The following C1orf21 variants were observed in gnomAD, a reference collection of about 807,000 sequenced individuals.
C1orf21 encodes chromosome 1 open reading frame 21.
C1orf21 carries 3 observed loss-of-function variants against 18.7 expected under a neutral mutation model. That is an observed-to-expected ratio of 0.16 (90% CI 0.07 to 0.42). C1orf21 has a LOEUF of 0.42. Among genes scored for constraint, C1orf21 ranks in the 10% least tolerant of loss-of-function variants. C1orf21 has a pLI of 0.99. For missense variants in C1orf21, 104 were observed against 143.6 expected, an observed-to-expected ratio of 0.72 and a Z score of 1.41; for synonymous variants, 41 against 46.4, an observed-to-expected ratio of 0.88 and a Z score of 0.47.
At chr1:184,426,570 T>C (rs1377804092) in intron 1 of C1orf21, among the ~76,000 whole-genome samples, 2 of 152,174 alleles carry the variant, frequency 1.3e-5, no homozygotes, top group Admixed American at 6.5e-5. Context: ...CTTAGGCTCT[T>C]TCTTCTTGAA....
intron 3 of C1orf21, among the ~76,000 whole-genome samples, chr1:184,573,093 GA>G (rs59372826): frequency 2.0e-5 from 3 of 151,768 alleles, no homozygotes; most frequent in East Asian, 1.9e-4. Context: ...TCTAATGGAG[GA>G]AAAAAAACTA....
chr1:184,593,000 T>C (rs1415131079), intron 4 of C1orf21, among the ~76,000 whole-genome samples: 1 of 152,228 alleles, frequency 6.6e-6, no homozygotes, highest in Non-Finnish European at 1.5e-5. Flanking sequence ...TTACTGCTCA[T>C]CACGTTCATC....
intron 1 of C1orf21, among the ~76,000 whole-genome samples, chr1:184,463,105 A>G (rs1179418694): frequency 6.7e-6 from 1 of 150,256 alleles, no homozygotes; most frequent in African/African-American, 2.5e-5. Flanking sequence ...AAAAAAAAGA[A>G]GAAGAAGAAG....
At chr1:184,424,789 G>A (rs1388167221) in intron 1 of C1orf21, among the ~76,000 whole-genome samples, 1 of 152,120 alleles carries the variant, frequency 6.6e-6, no homozygotes, top group African/African-American at 2.4e-5. Context: ...ATCAAATGCA[G>A]GGCTGTCAAC....
At chr1:184,526,823 C>A (rs1348706027) in intron 3 of C1orf21, among the ~76,000 whole-genome samples, 1 of 152,084 alleles carries the variant, frequency 6.6e-6, no homozygotes, top group African/African-American at 2.4e-5. Flanking sequence ...TTCATTCACT[C>A]CCTCAACAAG....
chr1:184,567,703 C>A, intron 3 of C1orf21: 1 of 365,082 alleles, frequency 2.7e-6, no homozygotes, highest in African/African-American at 2.1e-5. Context: ...TCCAGGGCTG[C>A]TAAAGTCAAA....
intron 1 of C1orf21, among the ~76,000 whole-genome samples, chr1:184,423,309 T>C (rs1388534271): frequency 6.6e-6 from 1 of 152,220 alleles, no homozygotes; most frequent in Admixed American, 6.5e-5. Context: ...TATGCAATAA[T>C]GTACAAAACA....
chr1:184,488,536 G>T (rs1423361717), intron 2 of C1orf21, among the ~76,000 whole-genome samples: 1 of 152,052 alleles, frequency 6.6e-6, no homozygotes, highest in Non-Finnish European at 1.5e-5. Flanking sequence ...CCAATTAATT[G>T]GGTACCATTT....
intron 2 of C1orf21, among the ~76,000 whole-genome samples, chr1:184,503,106 G>C (rs1351238169): frequency 7.2e-6 from 1 of 139,722 alleles, no homozygotes; most frequent in Non-Finnish European, 1.5e-5. Context: ...AAAAAAAGAT[G>C]TATCAAGCAA....
chr1:184,498,055 A>G (rs1237322449), intron 2 of C1orf21, among the ~76,000 whole-genome samples: 3 of 152,008 alleles, frequency 2.0e-5, no homozygotes, highest in Non-Finnish European at 2.9e-5. Flanking sequence ...TATCTATTCT[A>G]TGCCGCTCAT....
chr1:184,469,462 G>A (rs1396030512), intron 1 of C1orf21, among the ~76,000 whole-genome samples: 1 of 152,130 alleles, frequency 6.6e-6, no homozygotes, highest in Non-Finnish European at 1.5e-5. Flanking sequence ...TAGAAGTTGA[G>A]GCTTTGCAAT....
chr1:184,539,154 G>A (rs1173166270), intron 3 of C1orf21, among the ~76,000 whole-genome samples: 1 of 152,076 alleles, frequency 6.6e-6, no homozygotes, highest in Non-Finnish European at 1.5e-5. Context: ...GGCTTTTATT[G>A]TGTTGAGGTG....
intron 3 of C1orf21, among the ~76,000 whole-genome samples, chr1:184,586,076 C>T (rs987320327): frequency 1.1e-4 from 16 of 152,156 alleles, no homozygotes; most frequent in African/African-American, 3.6e-4. Context: ...TTAATTTACA[C>T]TCCTACCAAC....
chr1:184,464,133 A>G (rs1657351584), intron 1 of C1orf21, among the ~76,000 whole-genome samples: 1 of 152,198 alleles, frequency 6.6e-6, no homozygotes, highest in African/African-American at 2.4e-5. Context: ...CATGAGAAGG[A>G]GTTAAAACTT....
chr1:184,578,910 A>G (rs1659232478), intron 3 of C1orf21, among the ~76,000 whole-genome samples: 1 of 151,080 alleles, frequency 6.6e-6, no homozygotes, highest in African/African-American at 2.4e-5. Context: ...GTCACGTTTG[A>G]GACAGCTTTG....
rs201481780 is a variant in C1orf21 at position 184,460,620 on chromosome 1, G to GTCTTCTTCTTCT, written c.-124-16710_-124-16699dup. 2.0e-3 allele frequency among the ~76,000 whole-genome samples: 219 copies of GTCTTCTTCTTCT among 112,078 alleles called. 3 individuals carry two copies. The highest frequency in any genetic ancestry group is 3.7e-3 in the African/African-American group (94 of 25,216). The allele number at this position is 112,078 out of a possible 152,430, so 73.5% of individuals were successfully genotyped here. On this transcript the variant is annotated intron_variant, in intron 1 of 5. Transcript: ENST00000235307. ...TTGGGCTGTTAGTATTGTCGTCGTCGTCTTCTTCTTCTTCTTCTTCTTCTT... is the reference window on the plus strand; with the variant it reads ...TTGGGCTGTTAGTATTGTCGTCGTCGTCTTCTTCTTCTTCTTCTTCTTCTTCTTCTTCTTCTT...
At chr1:184,413,867 G>A (rs1656404802) in intron 1 of C1orf21, among the ~76,000 whole-genome samples, 1 of 152,156 alleles carries the variant, frequency 6.6e-6, no homozygotes, top group Non-Finnish European at 1.5e-5. Flanking sequence ...TCAGAGAGGA[G>A]GAGCAAGGAA....
intron 3 of C1orf21, among the ~76,000 whole-genome samples, chr1:184,507,961 T>C (rs1046252640): frequency 2.6e-5 from 4 of 152,290 alleles, no homozygotes; most frequent in Admixed American, 6.5e-5. Context: ...TGAAGTAGGA[T>C]TGAGGTTTGT....
chr1:184,543,704 T>C (rs907090209), intron 3 of C1orf21, among the ~76,000 whole-genome samples: 2 of 152,232 alleles, frequency 1.3e-5, no homozygotes, highest in African/African-American at 4.8e-5. Flanking sequence ...GAATAGTGTT[T>C]ATTTTAAAAA....
Sources: allele counts gnomAD v4.1 joint callset (sites outside exome capture counted in the v4.1 genomes callset), GRCh38; gene constraint gnomAD v4.1.1; transcripts MANE v1.5; gene names NCBI Gene and HGNC (gene_info 2026-07-23, HGNC 2026-07-21).